Variants in DPP6 observed in about 807,000 individuals in gnomAD.
DPP6 encodes A-type potassium channel modulatory protein DPP6.
DPP6 carries 69 observed loss-of-function variants against 122.6 expected under a neutral mutation model. That is an observed-to-expected ratio of 0.56 (90% CI 0.46 to 0.69). DPP6 has a LOEUF of 0.69. Among genes scored for constraint, DPP6 ranks in the 30% least tolerant of loss-of-function variants. The probability of loss-of-function intolerance (pLI) is 0.00; values close to 1 mark genes in which losing one functional copy is unlikely to be tolerated. For missense variants in DPP6, 928 were observed against 1,116.9 expected (o/e 0.83, Z 2.41); for synonymous variants, 418 against 433.1 (o/e 0.97, Z 0.43).
rs187126665 is a variant in DPP6, at chr7:154,247,039, G to C, written c.243+193976G>C. ...TAAAATGAATCATCAAGGGCCAGGT[G>C]CAGTGGCTCACGCCTGTAATCCCAG... is the stretch of plus-strand genomic sequence containing the variant. On this transcript the variant is annotated intron_variant, in intron 1 of 25. Coordinates refer to ENST00000377770, the MANE Select transcript of DPP6 (RefSeq NM_130797.4). 1.4e-4 allele frequency among the ~76,000 whole-genome samples: 22 copies of C among 152,292 alleles called. No homozygotes were observed. In the East Asian group the frequency reaches 4.1e-3, roughly 28 times the overall value.
intron 4 of DPP6, among the ~76,000 whole-genome samples, chr7:154,557,276 G>A (rs190169732): frequency 1.3e-5 from 2 of 152,280 alleles, no homozygotes; most frequent in Admixed American, 6.5e-5. Flanking sequence ...TGGCAGTGGT[G>A]AGTTTCTCAA....
chr7:154,030,648 G>C (rs563751186), intron 1 of DPP6, among the ~76,000 whole-genome samples: 1 of 152,090 alleles, frequency 6.6e-6, no homozygotes, highest in Non-Finnish European at 1.5e-5. Context: ...TTGGGAAGGC[G>C]TCCACGTTCC....
At chr7:153,849,803 C>T in the DPP6 span, among the ~76,000 whole-genome samples, 1 of 152,070 alleles carries the variant, frequency 6.6e-6, no homozygotes, top group Non-Finnish European at 1.5e-5. Flanking sequence ...TTTTGGCAAA[C>T]CTATCTTCTT....
chr7:154,575,067 GTGT>G (rs1441145557), intron 5 of DPP6, among the ~76,000 whole-genome samples: 5 of 109,662 alleles, frequency 4.6e-5, no homozygotes, highest in African/African-American at 1.4e-4. Flanking sequence ...TGTGTTTGGT[GTGT>G]TGTGTGTATG....
At chr7:154,171,453 C>G (rs1382881160) in intron 1 of DPP6, among the ~76,000 whole-genome samples, 1 of 152,224 alleles carries the variant, frequency 6.6e-6, no homozygotes, top group Non-Finnish European at 1.5e-5. Flanking sequence ...AAGCCCTGAG[C>G]AAATCTGCTC....
intron 4 of DPP6, among the ~76,000 whole-genome samples, chr7:154,550,129 A>G (rs1189504961): frequency 6.6e-6 from 1 of 152,168 alleles, no homozygotes; most frequent in Non-Finnish European, 1.5e-5. Context: ...TATTTACCTA[A>G]TTTATTTATT....
intron 5 of DPP6, among the ~76,000 whole-genome samples, chr7:154,592,914 C>T (rs1305767191): frequency 2.6e-5 from 4 of 152,148 alleles, no homozygotes; most frequent in Admixed American, 6.5e-5. Context: ...GGGAACACAA[C>T]TAATACCCCA....
intron 3 of DPP6, among the ~76,000 whole-genome samples, chr7:154,508,894 T>A (rs566427276): frequency 2.0e-5 from 3 of 152,188 alleles, no homozygotes; most frequent in Non-Finnish European, 4.4e-5. Flanking sequence ...GTTAATATCT[T>A]TTTTTACAAA....
At chr7:154,166,910 TA>T (rs1294652758) in intron 1 of DPP6, among the ~76,000 whole-genome samples, 130 of 147,442 alleles carry the variant, frequency 8.8e-4, no homozygotes, top group Non-Finnish European at 1.2e-4. Context: ...GATTCCATCT[TA>T]AAAAAATAAA....
Position 154,325,096 on chromosome 7 carries a change from A to G in DPP6, c.244-121118A>G, listed in dbSNP as rs146604708. ...TAGCCAGGCTGGTCTCGAATTCCTG[A>G]CCTCAAGTGATTCTCCCACCTTGGC... On this transcript the variant is annotated intron_variant, in intron 1 of 25. Coordinates refer to ENST00000377770, the MANE Select transcript of DPP6 (RefSeq NM_130797.4). Among the ~76,000 whole-genome samples, 492 of 151,896 alleles carry G rather than the reference A, an allele frequency of 3.2e-3. 5 individuals are homozygous for G. Among genetic ancestry groups the G allele is most frequent in the African/African-American group, 0.011 (472 of 41,414 alleles).
chr7:154,050,349 A>G (rs1273793613), upstream of DPP6, among the ~76,000 whole-genome samples: 1 of 152,228 alleles, frequency 6.6e-6, no homozygotes, highest in Non-Finnish European at 1.5e-5. Flanking sequence ...TCTATGATTA[A>G]TATGCACACA....
intron 7 of DPP6, among the ~76,000 whole-genome samples, chr7:154,687,121 C>G (rs1044842997): frequency 6.6e-6 from 1 of 152,106 alleles, no homozygotes; most frequent in Non-Finnish European, 1.5e-5. Flanking sequence ...TGTCTTGTCA[C>G]TATACAGTAA....
chr7:154,361,056 C>G (rs1811682259), intron 1 of DPP6, among the ~76,000 whole-genome samples: 1 of 151,776 alleles, frequency 6.6e-6, no homozygotes, highest in Non-Finnish European at 1.5e-5. Flanking sequence ...GAGAAGATTT[C>G]AGCATTGAGA....
At chr7:154,534,869 A>T (rs896346731) in intron 3 of DPP6, among the ~76,000 whole-genome samples, 2 of 152,128 alleles carry the variant, frequency 1.3e-5, no homozygotes, top group East Asian at 1.9e-4. Flanking sequence ...GATAATTAAA[A>T]AATTTATATT....
chr7:153,933,583 A>G (rs1801277094), intron 1 of DPP6, among the ~76,000 whole-genome samples: 1 of 152,174 alleles, frequency 6.6e-6, no homozygotes, highest in Non-Finnish European at 1.5e-5. Context: ...CATAGAGGAA[A>G]CAAGACTATA....
intron 5 of DPP6, among the ~76,000 whole-genome samples, chr7:154,574,406 GTA>G (rs1831336651): frequency 1.4e-5 from 2 of 146,894 alleles, no homozygotes; most frequent in African/African-American, 5.1e-5. Flanking sequence ...TGTGGTGTGT[GTA>G]TGTGTGGTGT....
intron 1 of DPP6, among the ~76,000 whole-genome samples, chr7:154,174,028 C>T (rs751789026): frequency 6.6e-6 from 1 of 152,214 alleles, no homozygotes; most frequent in African/African-American, 2.4e-5. Context: ...GTTTCCCCCA[C>T]GTGCCTCTCT....
At chr7:153,875,144 A>T in the DPP6 span, among the ~76,000 whole-genome samples, 1 of 152,224 alleles carries the variant, frequency 6.6e-6, no homozygotes, top group Non-Finnish European at 1.5e-5. Context: ...GTTATCTTTA[A>T]GGGGAAATAG....
intron 8 of DPP6, among the ~76,000 whole-genome samples, chr7:154,762,032 C>T (rs150037340): frequency 3.9e-4 from 59 of 152,266 alleles, no homozygotes; most frequent in African/African-American, 1.3e-3. Flanking sequence ...CATGAGAAGC[C>T]GCTCACTATC....
Sources: gnomAD v4.1 joint callset for allele counts (sites outside exome capture counted in the v4.1 genomes callset) on GRCh38, gnomAD v4.1.1 for gene constraint, MANE v1.5 for transcripts, NCBI Gene and HGNC (gene_info 2026-07-23, HGNC 2026-07-21) for gene names.